The following PAX6 variants were observed in gnomAD, a reference collection of about 807,000 sequenced individuals.
PAX6 encodes paired box 6.
Under a neutral mutation model 60.7 loss-of-function variants are expected in PAX6, and 7 were observed. The observed-to-expected ratio is 0.12, with a 90% CI of 0.07 to 0.22. PAX6 has a LOEUF of 0.22. PAX6 is among the 10% of genes least tolerant of loss of function. PAX6 has a pLI of 1.00. For missense variants in PAX6, 355 were observed against 555.2 expected (o/e 0.64, Z 3.62); for synonymous variants, 208 against 201.2 (o/e 1.03, Z -0.29).
chr11:31,790,089 T>C, intron 13 of PAX6, 70 bp from the exon 14 acceptor site: 1 of 365,286 alleles, frequency 2.7e-6, no homozygotes, highest in East Asian at 6.2e-5. Context: ...TACAAATTTA[T>C]AGGTTTACAA....
intron 13 of PAX6, 78 bp from the exon 14 acceptor site, chr11:31,790,097 C>CA (rs1171009926): frequency 0.27 from 38,757 of 144,260 alleles, 10,386 homozygotes; most frequent in East Asian, 0.37. Context: ...TATAGGTTTA[C>CA]AAAAAAAAAA....
At chr11:31,791,071 A>C in intron 12 of PAX6, 1 of 660,898 alleles carries the variant, frequency 1.5e-6, no homozygotes, top group Non-Finnish European at 2.8e-6. Context: ...CCTATGTATC[A>C]AGCCTCTAAA....
chr11:31,790,668 G>A lies in PAX6; in HGVS notation c.1225+42C>T, dbSNP rs200638799. The A allele has an allele frequency of 4.2e-4, 676 of 1,613,204 alleles. 1 individual carries two copies. The highest frequency in any genetic ancestry group is 5.2e-4 in the Non-Finnish European group (611 of 1,179,678). On this transcript the variant is annotated intron_variant, in intron 13 of 13. Transcript: ENST00000640368. ...TCTGTTTGGGTAAACTTCTAGTGAAGAGAGATCGCCTCTGTGCAGCCTGCA... is the reference window on the plus strand; with the variant it reads ...TCTGTTTGGGTAAACTTCTAGTGAAAAGAGATCGCCTCTGTGCAGCCTGCA...
chr11:31,803,041 G>T (rs1954632158), intron 4 of PAX6: 3 of 626,424 alleles, frequency 4.8e-6, no homozygotes, highest in South Asian at 3.7e-5. Context: ...TCGGCGGTCA[G>T]TTCCCTGCTA....
chr11:31,793,218 T>C, intron 12 of PAX6: 1 of 690,438 alleles, frequency 1.4e-6, no homozygotes, highest in South Asian at 1.5e-5. Context: ...CTGACAAAAC[T>C]GGACAGATTT....
chr11:31,801,165 G>C, intron 7 of PAX6: 1 of 1,144,074 alleles, frequency 8.7e-7, no homozygotes, highest in East Asian at 3.1e-5. Context: ...AAACTATTTA[G>C]ACTTGTTGTA....
At chr11:31,811,421 A>C, upstream of PAX6, 1 of 396,110 alleles carries the variant, frequency 2.5e-6, no homozygotes, top group East Asian at 3.6e-5. Context: ...CGCCTGGTGC[A>C]ATTGGTCCGT....
In PAX6 at chr11:31,794,114, T is replaced by A; in HGVS notation, c.725A>T (p.Glu242Val). Residue 242 changes from glutamate (E) to valine (V), a missense_variant and splice_region_variant, in exon 10 of 14, where the codon GAG becomes GTG. Glu to Val is a moderately radical substitution (Grantham distance 121, BLOSUM62 -2). Transcript: ENST00000640368. ...ATCTGGATAATGGGTTCTCTCAAAC[T>A]CTGAAAGAGTAAGTTGATTTTCCAT... The part of the protein sequence containing the change: ...TQEQIEALEK[E>V]FERTHYPDVF... 6.3e-7 allele frequency: 1 copy of A among 1,597,762 alleles called. No individual in the cohort carries two copies. The highest frequency in any genetic ancestry group is 8.6e-7 in the Non-Finnish European group (1 of 1,165,240).
rs760551416 is a variant in PAX6 at position 31,793,446 on chromosome 11, G to A, written c.1066C>T (p.Pro356Ser). The A allele has an allele frequency of 5.6e-6, 9 of 1,613,888 alleles. No individual in the cohort carries two copies. In the South Asian group the frequency reaches 8.8e-5, roughly 16 times the overall value. ...CCACCAGCCGCACTTACTTGCATAG[G>A]CAGGTTATTTGCCATGGTGAAGCTG... is the stretch of plus-strand genomic sequence containing the variant. ...MPSFTMANNL[P>S]MQPPVPSQTS... Residue 356 changes from proline to serine, a missense_variant, in exon 12 of 14, where the codon CCT becomes TCT. Coordinates refer to ENST00000640368, the MANE Select transcript of PAX6 (RefSeq NM_001368894.2).
rs10525266 is a variant in PAX6 at position 31,794,420 on chromosome 11, CCACACACACACACACA to C, written c.724+194_724+209del. Reference sequence around the variant, plus strand: ...AAAAGAAGAAACACACACACACACACCACACACACACACACACACACACACACACACACACACACAC... The same window carrying C: ...AAAAGAAGAAACACACACACACACACCACACACACACACACACACACACAC... On this transcript the variant is annotated intron_variant, in intron 9 of 13. Coordinates refer to ENST00000640368, the MANE Select transcript of PAX6 (RefSeq NM_001368894.2). 28,189 of 515,734 alleles carry C rather than the reference CCACACACACACACACA, an allele frequency of 0.055. 758 individuals carry two copies. Among genetic ancestry groups the C allele is most frequent in the African/African-American group, 0.14 (6,552 of 48,174 alleles). 31.9% of individuals were successfully genotyped at this position (515,734 alleles called of 1,614,324 possible).
chr11:31,799,560 G>C (rs1254849985), intron 8 of PAX6, among the ~76,000 whole-genome samples: 1 of 152,234 alleles, frequency 6.6e-6, no homozygotes, highest in East Asian at 1.9e-4. Context: ...GTTCTCTAAT[G>C]AGCAATTACA....
At chr11:31,790,336 C>A in intron 13 of PAX6, 1 of 776,900 alleles carries the variant, frequency 1.3e-6, no homozygotes, top group South Asian at 2.4e-5. Context: ...CAATGTGTCA[C>A]TTTTTATTTC....
At chr11:31,812,021 C>T (rs1005819050), upstream of PAX6, 1 of 152,624 alleles carries the variant, frequency 6.6e-6, no homozygotes, top group Non-Finnish European at 1.5e-5. Flanking sequence ...TTTCTCCTTT[C>T]GGAAGCCGCG....
chr11:31,815,596 C>A (rs1957341674), upstream of PAX6, among the ~76,000 whole-genome samples: 1 of 152,034 alleles, frequency 6.6e-6, no homozygotes, highest in South Asian at 2.1e-4. Flanking sequence ...CGCATCCTGA[C>A]GGGCTTTTAA....
rs964556004 is a variant in PAX6 at position 31,800,409 on chromosome 11, G to A, written c.565+282C>T. ...ATTTGAATAGTGCACCACGCAGCTCGTTCTTATGCACACAGTGCTGCCCAC... is the reference window on the plus strand; with the variant it reads ...ATTTGAATAGTGCACCACGCAGCTCATTCTTATGCACACAGTGCTGCCCAC... On this transcript the variant is annotated intron_variant, in intron 8 of 13. Transcript: ENST00000640368. The A allele has an allele frequency of 2.7e-5, 15 of 550,620 alleles. No individual in the cohort carries two copies. In the Admixed American group the frequency reaches 3.7e-4, roughly 14 times the overall value. 34.1% of individuals were successfully genotyped at this position (550,620 alleles called of 1,614,324 possible).
chr11:31,793,513 G>C lies in PAX6; in HGVS notation c.999C>G (p.Asp333Glu), dbSNP rs184589894. The C allele has an allele frequency of 6.2e-7, 1 of 1,614,240 alleles. No individual in the cohort carries two copies. The change falls in exon 12 of 14, where the codon GAC (aspartate) becomes GAG (glutamate). Residue 333 changes from aspartate to glutamate, a missense_variant. Transcript: ENST00000640368. ...CGCTGTAGGTGTTTGTGAGGGCTGT[G>C]TCTGTTCGGCCCAACATGGAGCCAG... ...FTSGSMLGRT[D>E]TALTNTYSAL...
intron 8 of PAX6, among the ~76,000 whole-genome samples, chr11:31,796,804 A>G (rs1236905182): frequency 6.6e-6 from 1 of 152,110 alleles, no homozygotes; most frequent in African/African-American, 2.4e-5. Flanking sequence ...GAAAAGGAGG[A>G]TGAGGGCCAG....
chr11:31,802,139 C>A (rs545381708), intron 5 of PAX6: 3 of 554,650 alleles, frequency 5.4e-6, no homozygotes, highest in Non-Finnish European at 9.6e-6. Context: ...GCTGACCTTG[C>A]TTAAAGTGGC....
At position 31,801,636 on chromosome 11, in the gene PAX6, G is replaced by A. The variant is rs1953914510; in HGVS notation, c.324C>T (p.Cys108=). ...VSKIAQYKRE[C]PSIFAWEIRD... ...GGATTTCCCAAGCAAAGATGGACGG[G>A]CACTCCCGCTTATACTGGGCTATTT... is the stretch of plus-strand genomic sequence containing the variant. Residue 108 remains cysteine, a synonymous_variant, in exon 7 of 14, where the codon TGC becomes TGT. Transcript: ENST00000640368. The A allele has an allele frequency of 1.2e-6, 2 of 1,614,122 alleles. No individual in the cohort carries two copies. Among genetic ancestry groups the A allele is most frequent in the Non-Finnish European group, 1.7e-6 (2 of 1,180,022 alleles).
Sources: gnomAD v4.1 joint callset for allele counts (sites outside exome capture counted in the v4.1 genomes callset) on GRCh38, gnomAD v4.1.1 for gene constraint, MANE v1.5 for transcripts, NCBI Gene and HGNC (gene_info 2026-07-23, HGNC 2026-07-21) for gene names.